The following GPR89A variants were observed in gnomAD, a reference collection of about 807,000 sequenced individuals.
GPR89A encodes the protein golgi pH regulator A.
Under a neutral mutation model 52.0 loss-of-function variants are expected in GPR89A, and 16 were observed. The observed-to-expected ratio is 0.31, with a 90% CI of 0.21 to 0.47. The LOEUF is 0.47. GPR89A is among the 20% of genes least tolerant of loss of function. The probability of loss-of-function intolerance (pLI) is 1.00; values close to 1 mark genes in which losing one functional copy is unlikely to be tolerated. For missense variants in GPR89A, 135 were observed against 449.4 expected, an observed-to-expected ratio of 0.30 and a Z score of 6.33; for synonymous variants, 55 against 150.9, an observed-to-expected ratio of 0.36 and a Z score of 4.66.
At chr1:145,628,759 ATGGGAAGAAAGC>A (rs1649679764) in intron 5 of GPR89A, among the ~76,000 whole-genome samples, 1 of 152,234 alleles carries the variant, frequency 6.6e-6, no homozygotes, top group African/African-American at 2.4e-5. Flanking sequence ...ATAAAGAAGA[ATGGGAAGAAAGC>A]TGGATTGCAG....
intron 1 of GPR89A, among the ~76,000 whole-genome samples, chr1:145,613,599 C>G (rs1648454613): frequency 6.6e-6 from 1 of 151,542 alleles, no homozygotes; most frequent in South Asian, 2.1e-4. Flanking sequence ...ACATCCACTC[C>G]TCCTGTCTAG....
At chr1:145,656,125 TC>T (rs782677921) in intron 10 of GPR89A, among the ~76,000 whole-genome samples, 10 of 152,004 alleles carry the variant, frequency 6.6e-5, no homozygotes, top group Non-Finnish European at 1.3e-4. Context: ...CCACCTATTC[TC>T]CCCGGCACTG....
chr1:145,621,509 A>C (rs1649136964), intron 3 of GPR89A, among the ~76,000 whole-genome samples: 1 of 151,404 alleles, frequency 6.6e-6, no homozygotes, highest in Non-Finnish European at 1.5e-5. Context: ...ATTTCCTTAT[A>C]GTTCATTTCA....
At chr1:145,657,139 T>G (rs1296603133) in intron 10 of GPR89A, among the ~76,000 whole-genome samples, 1 of 150,472 alleles carries the variant, frequency 6.6e-6, no homozygotes, top group Non-Finnish European at 1.5e-5. Context: ...CACACCTGTA[T>G]TCCCAGTACT....
chr1:145,610,982 G>C (rs1330289117), intron 1 of GPR89A, among the ~76,000 whole-genome samples: 1 of 151,978 alleles, frequency 6.6e-6, no homozygotes, highest in Non-Finnish European at 1.5e-5. Context: ...AAGTCCTAAG[G>C]TCAAGACTCT....
chr1:145,610,645 G>T lies in GPR89A; in HGVS notation c.42+2470G>T, dbSNP rs1381223836. Among the ~76,000 whole-genome samples the T allele has an allele frequency of 6.6e-3, 1,010 of 152,176 alleles. 8 individuals are homozygous for T. Among genetic ancestry groups the T allele is most frequent in the African/African-American group, 0.023 (952 of 41,452 alleles). On this transcript the variant is annotated intron_variant, in intron 1 of 13. Coordinates refer to ENST00000313835, the MANE Select transcript of GPR89A (RefSeq NM_001097612.2). ...CTGTAACAACACTACCACATTGTTT[G>T]GTAATTACTTGTTTATCTCCTCCAT...
intron 1 of GPR89A, among the ~76,000 whole-genome samples, chr1:145,610,924 G>A (rs1282912974): frequency 2.0e-5 from 3 of 151,752 alleles, no homozygotes; most frequent in Non-Finnish European, 4.4e-5. Flanking sequence ...CTCATGTTTT[G>A]AGCCCTCTAT....
intron 7 of GPR89A, among the ~76,000 whole-genome samples, chr1:145,635,232 C>G (rs1650144087): frequency 6.6e-6 from 1 of 152,116 alleles, no homozygotes; most frequent in East Asian, 1.9e-4. Flanking sequence ...CGGTGAAACC[C>G]CATCTCTACT....
At chr1:145,667,984 A>G (rs1159035631) in intron 12 of GPR89A, among the ~76,000 whole-genome samples, 2 of 152,182 alleles carry the variant, frequency 1.3e-5, no homozygotes, top group African/African-American at 4.8e-5. Context: ...GCCTTGTAGT[A>G]TAGCTTGAAG....
At position 145,608,582 on chromosome 1, in the gene GPR89A, A is replaced by G. The variant is rs587616434; in HGVS notation, c.42+407A>G. 8.0e-4 allele frequency: 448 copies of G among 561,774 alleles called. 6 individuals carry two copies. The East Asian group carries it at 0.025, about 31-fold the overall frequency. The allele number at this position is 561,774 out of a possible 1,614,324, so 34.8% of individuals were successfully genotyped here. On this transcript the variant is annotated intron_variant, in intron 1 of 13. Coordinates refer to ENST00000313835, the MANE Select transcript of GPR89A (RefSeq NM_001097612.2). ...GCGGTGTGCGACGCGCCAATACTGG[A>G]TACTGAGGACACGTCAGTGCAGGCT...
At chr1:145,662,658 A>C (rs1166862919) in intron 10 of GPR89A, among the ~76,000 whole-genome samples, 1 of 152,134 alleles carries the variant, frequency 6.6e-6, no homozygotes, top group Admixed American at 6.6e-5. Flanking sequence ...AACGCAGCCA[A>C]GTCCATTCAT....
chr1:145,647,879 C>CTA lies in GPR89A; in HGVS notation c.909+643_909+644dup, dbSNP rs782172827. ...TCTCTCTCTCTCTCTCTCTCTCTCT[C>CTA]TATATATATATATATATATATATAT... On this transcript the variant is annotated intron_variant, in intron 10 of 13. Transcript: ENST00000313835. Among the ~76,000 whole-genome samples, 63 of 24,648 alleles carry CTA rather than the reference C, an allele frequency of 2.6e-3. 2 individuals are homozygous for CTA. Among genetic ancestry groups the CTA allele is most frequent in the Middle Eastern group, 0.033 (1 of 30 alleles). 16.2% of individuals were successfully genotyped at this position (24,648 alleles called of 152,430 possible).
chr1:145,667,621 G>T (rs1275218796), intron 12 of GPR89A, among the ~76,000 whole-genome samples: 1 of 151,936 alleles, frequency 6.6e-6, no homozygotes, highest in Non-Finnish European at 1.5e-5. Context: ...ATTGCTTTCG[G>T]TGTTTTAGAC....
intron 7 of GPR89A, among the ~76,000 whole-genome samples, chr1:145,634,081 GTT>G (rs67899431): frequency 2.1e-5 from 3 of 146,194 alleles, no homozygotes; most frequent in Non-Finnish European, 4.5e-5. Context: ...TGTCTATTGT[GTT>G]TTTTTTTTTT....
At chr1:145,645,292 C>T in intron 8 of GPR89A, 1 of 321,214 alleles carries the variant, frequency 3.1e-6, no homozygotes, top group South Asian at 2.6e-5. Flanking sequence ...AACTGAAGGG[C>T]ACTTACTGAT....
intron 10 of GPR89A, among the ~76,000 whole-genome samples, chr1:145,652,783 T>C (rs1163624547): frequency 8.7e-4 from 125 of 143,812 alleles, no homozygotes; most frequent in Non-Finnish European, 1.5e-3. Flanking sequence ...TGCATAGAGA[T>C]GTTTATAGTA....
Position 145,608,035 on chromosome 1 carries a change from C to G in GPR89A, c.-99C>G. 1 of 1,448,980 alleles carries G rather than the reference C, an allele frequency of 6.9e-7. No homozygotes were observed. Among genetic ancestry groups the G allele is most frequent in the South Asian group, 1.2e-5 (1 of 85,164 alleles). 89.8% of individuals were successfully genotyped at this position (1,448,980 alleles called of 1,614,324 possible). A position where few individuals can be genotyped will look rare whatever the true frequency, so the allele number is the denominator to read the frequency against. ...GAGAGCCGCAGTCCCGGCTGCAGCA[C>G]CTGGGAGAAGGCAGACCGTGTGAGG... On this transcript the variant is annotated 5_prime_UTR_variant, in exon 1 of 14. Coordinates refer to ENST00000313835, the MANE Select transcript of GPR89A (RefSeq NM_001097612.2).
rs587693794 is a variant in GPR89A at position 145,643,674 on chromosome 1, T to G, written c.618-195T>G. ...TATTGCCTAGCCCAAATTCTGTGCT[T>G]CTTCACCCAGGCCACATTGCTTCCA... is the stretch of plus-strand genomic sequence containing the variant. On this transcript the variant is annotated intron_variant, in intron 7 of 13. Transcript: ENST00000313835. 5.9e-4 allele frequency among the ~76,000 whole-genome samples: 89 copies of G among 149,876 alleles called. 1 individual carries two copies. The East Asian group carries it at 0.016, about 27-fold the overall frequency.
intron 2 of GPR89A, 54 bp downstream of exon 2, chr1:145,616,347 A>T (rs1648698270): frequency 6.9e-7 from 1 of 1,453,340 alleles, no homozygotes. Context: ...ATTGACAAGA[A>T]AAATGTCTCC....
Sources: allele counts gnomAD v4.1 joint callset (sites outside exome capture counted in the v4.1 genomes callset), GRCh38; gene constraint gnomAD v4.1.1; transcripts MANE v1.5; gene names NCBI Gene and HGNC (gene_info 2026-07-23, HGNC 2026-07-21).